Variants in ATXN1 observed in about 807,000 individuals in gnomAD.
ATXN1 encodes ataxin-1.
In ATXN1, 8 loss-of-function variants were observed where a neutral mutation model predicts 56.4. That is an observed-to-expected ratio of 0.14 (90% confidence interval 0.08 to 0.26). The LOEUF is 0.26. ATXN1 is among the 10% of genes least tolerant of loss of function. The pLI is 1.00. For missense variants in ATXN1, 987 were observed against 1,106.5 expected, an observed-to-expected ratio of 0.89 and a Z score of 1.53; for synonymous variants, 514 against 494.6, an observed-to-expected ratio of 1.04 and a Z score of -0.52.
At chr6:16,501,829 T>C (rs1760891645) in intron 5 of ATXN1, among the ~76,000 whole-genome samples, 1 of 152,194 alleles carries the variant, frequency 6.6e-6, no homozygotes, top group Non-Finnish European at 1.5e-5. Context: ...ATCCTTTGGG[T>C]ATATAACCAG....
At chr6:16,752,025 G>A (rs2113533373) in intron 2 of ATXN1, among the ~76,000 whole-genome samples, 1 of 152,270 alleles carries the variant, frequency 6.6e-6, no homozygotes, top group East Asian at 1.9e-4. Context: ...CAGATCTTAA[G>A]TCCAGATGGG....
intron 6 of ATXN1, among the ~76,000 whole-genome samples, chr6:16,352,997 G>C (rs1452224221): frequency 6.6e-6 from 1 of 152,124 alleles, no homozygotes; most frequent in African/African-American, 2.4e-5. Context: ...GTGACTCACC[G>C]GCGGGGAGCG....
chr6:16,438,153 A>G (rs1018631844), intron 6 of ATXN1, among the ~76,000 whole-genome samples: 9 of 152,184 alleles, frequency 5.9e-5, no homozygotes, highest in Non-Finnish European at 1.3e-4. Context: ...ATCTGACAGG[A>G]GGTGGAGCTT....
chr6:16,484,633 G>A (rs891038214), intron 6 of ATXN1, among the ~76,000 whole-genome samples: 2 of 152,070 alleles, frequency 1.3e-5, no homozygotes, highest in Admixed American at 1.3e-4. Context: ...ACACAATGAA[G>A]CTTCAGTGTC....
intron 3 of ATXN1, among the ~76,000 whole-genome samples, chr6:16,657,089 T>C (rs1758219765): frequency 1.3e-5 from 1 of 77,762 alleles, no homozygotes; most frequent in Non-Finnish European, 2.2e-5. Context: ...GTTCACGCCA[T>C]TCTGCTGCCT....
chr6:16,517,727 CACACACATGCATACAAAGAT>C (rs1197975811), intron 5 of ATXN1, among the ~76,000 whole-genome samples: 1 of 152,170 alleles, frequency 6.6e-6, no homozygotes, highest in Non-Finnish European at 1.5e-5. Context: ...TATGTAGGTG[CACACACATGCATACAAAGAT>C]ACACACATGC....
Position 16,308,322 on chromosome 6 carries a change from T to TCACACACACACACACACACACACA in ATXN1, c.1918-1487_1918-1464dup, listed in dbSNP as rs35291830. Among the ~76,000 whole-genome samples, 11 of 132,728 alleles carry TCACACACACACACACACACACACA rather than the reference T, an allele frequency of 8.3e-5. No homozygotes were observed. In the East Asian group the frequency reaches 1.1e-3, roughly 13 times the overall value. The allele number at this position is 132,728 out of a possible 152,430, so 87.1% of individuals were successfully genotyped here. ...GCCTGGGCGACAGAGTGAAACTCCG[T>TCACACACACACACACACACACACA]CACACACACACACACACACACACAC... On this transcript the variant is annotated intron_variant, in intron 7 of 7. Transcript: ENST00000436367.
At chr6:16,309,040 C>A (rs1240355421) in intron 7 of ATXN1, among the ~76,000 whole-genome samples, 1 of 151,288 alleles carries the variant, frequency 6.6e-6, no homozygotes, top group African/African-American at 2.4e-5. Context: ...CCAGTCTGGG[C>A]AACAAAATGA....
intron 2 of ATXN1, among the ~76,000 whole-genome samples, chr6:16,749,587 G>T (rs1760647926): frequency 6.6e-6 from 1 of 152,084 alleles, no homozygotes; most frequent in Admixed American, 6.5e-5. Flanking sequence ...AGCTGCAGAA[G>T]AGTCCTTATG....
At chr6:16,476,523 CA>C (rs201571540) in intron 6 of ATXN1, among the ~76,000 whole-genome samples, 1,881 of 138,448 alleles carry the variant, frequency 0.014, 26 homozygotes, top group East Asian at 0.04. Flanking sequence ...TATAATAATC[CA>C]AAAAAAAAAA....
chr6:16,409,481 T>C (rs917312062), intron 6 of ATXN1, among the ~76,000 whole-genome samples: 1 of 151,964 alleles, frequency 6.6e-6, no homozygotes, highest in African/African-American at 2.4e-5. Flanking sequence ...AGTGAAACAC[T>C]GTCTCTACTA....
chr6:16,493,122 C>T (rs183742063), intron 5 of ATXN1, among the ~76,000 whole-genome samples: 15 of 152,312 alleles, frequency 9.8e-5, no homozygotes, highest in East Asian at 7.7e-4. Context: ...CCTGTTGGAT[C>T]GAACTTCCTA....
intron 6 of ATXN1, among the ~76,000 whole-genome samples, chr6:16,369,178 T>C (rs986709263): frequency 6.6e-6 from 1 of 152,224 alleles, no homozygotes; most frequent in Non-Finnish European, 1.5e-5. Flanking sequence ...TTAAAGTAAC[T>C]TGAAATCATC....
intron 5 of ATXN1, among the ~76,000 whole-genome samples, chr6:16,514,846 G>C (rs937643275): frequency 3.8e-4 from 58 of 152,054 alleles, no homozygotes; most frequent in African/African-American, 1.3e-3. Context: ...AGCCAGGCGT[G>C]GTGGTGGGAG....
At chr6:16,744,896 A>T (rs1760472625) in intron 2 of ATXN1, among the ~76,000 whole-genome samples, 1 of 152,224 alleles carries the variant, frequency 6.6e-6, no homozygotes, top group African/African-American at 2.4e-5. Flanking sequence ...CTGAAATGAA[A>T]GGACACTGGA....
At chr6:16,562,491 G>A (rs1762141539) in intron 4 of ATXN1, among the ~76,000 whole-genome samples, 1 of 149,560 alleles carries the variant, frequency 6.7e-6, no homozygotes, top group South Asian at 2.1e-4. Context: ...GAGAGGAAAG[G>A]AAAGGAAAGG....
chr6:16,679,086 G>A (rs1758745875), intron 2 of ATXN1, among the ~76,000 whole-genome samples: 1 of 151,978 alleles, frequency 6.6e-6, no homozygotes, highest in African/African-American at 2.4e-5. Context: ...ATGGATGGAT[G>A]AATAGATGGA....
intron 5 of ATXN1, among the ~76,000 whole-genome samples, chr6:16,521,057 A>C (rs1172690400): frequency 6.6e-6 from 1 of 152,194 alleles, no homozygotes; most frequent in African/African-American, 2.4e-5. Context: ...AATGTTTTGG[A>C]AATAAGTGCA....
At chr6:16,696,901 A>G (rs941093433) in intron 2 of ATXN1, among the ~76,000 whole-genome samples, 10 of 152,152 alleles carry the variant, frequency 6.6e-5, no homozygotes, top group Admixed American at 1.3e-4. Flanking sequence ...AAAAGACTAG[A>G]TGTGTGTTGT....
Sources: gnomAD v4.1 joint callset for allele counts (sites outside exome capture counted in the v4.1 genomes callset) on GRCh38, gnomAD v4.1.1 for gene constraint, MANE v1.5 for transcripts, NCBI Gene and HGNC (gene_info 2026-07-23, HGNC 2026-07-21) for gene names.